EPN2: variants seen among roughly 807,000 people sequenced by gnomAD.
The protein encoded by EPN2 is epsin-2.
Under a neutral mutation model 61.7 loss-of-function variants are expected in EPN2, and 34 were observed. The ratio of observed to expected loss-of-function variants is 0.55; its 90% CI spans 0.42 to 0.73. The LOEUF (loss-of-function observed/expected upper bound fraction) is 0.73, where lower values mean the gene tolerates loss of function less well. Among genes scored for constraint, EPN2 ranks in the 30% least tolerant of loss-of-function variants. The probability of loss-of-function intolerance (pLI) is 0.00; values close to 1 mark genes in which losing one functional copy is unlikely to be tolerated. For missense variants in EPN2, 714 were observed against 839.2 expected, an observed-to-expected ratio of 0.85 and a Z score of 1.84; for synonymous variants, 349 against 353.6, an observed-to-expected ratio of 0.99 and a Z score of 0.15.
At position 19,334,352 on chromosome 17, in the gene EPN2, G is replaced by T. The variant is rs1037449208; in HGVS notation, c.*98G>T. ...GGATCCAAGAGTTTGGGGATTAGGG[G>T]TATTAGGGCTTTTCAGCTCCAGCTT... On this transcript the variant is annotated 3_prime_UTR_variant, in exon 11 of 11. Coordinates refer to ENST00000314728, the MANE Select transcript of EPN2 (RefSeq NM_014964.5). This position sits in a 1 kb window ranked among gnomAD's most constrained non-coding sequence, Gnocchi z 4.9. 3.0e-6 allele frequency: 3 copies of T among 1,016,822 alleles called. No individual in the cohort carries two copies. The highest frequency in any genetic ancestry group is 3.9e-6 in the Non-Finnish European group (3 of 759,990). The allele number at this position is 1,016,822 out of a possible 1,614,324, so 63.0% of individuals were successfully genotyped here.
At position 19,283,453 on chromosome 17, in the gene EPN2, A is replaced by G. The variant is rs768221067; in HGVS notation, c.334A>G (p.Ile112Val). 3.7e-6 allele frequency: 6 copies of G among 1,614,234 alleles called. No homozygotes were observed. The highest frequency in any genetic ancestry group is 1.7e-5 in the Admixed American group (1 of 60,034). The change falls in exon 3 of 11, where the codon ATT (isoleucine) becomes GTT (valine). Residue 112 changes from isoleucine (I) to valine (V), a missense_variant. Ile to Val is a conservative substitution (Grantham distance 29). This residue lies in a region of EPN2 where 304 missense variants were observed against 417.4 expected (regional missense o/e 0.73). Coordinates refer to ENST00000314728, the MANE Select transcript of EPN2 (RefSeq NM_014964.5). The surrounding 1 kb of genome is among the most constrained non-coding windows in gnomAD (Gnocchi z 7.0). The part of the protein sequence containing the change: ...AIQTLKDFQY[I>V]DRDGKDQGIN... ...CCAGACCCTGAAGGACTTCCAGTAC[A>G]TTGACCGAGATGGCAAGGACCAGGG...
rs772078342 is a variant in EPN2 at position 19,286,925 on chromosome 17, C to A, written c.766+1135C>A. On this transcript the variant is annotated intron_variant, in intron 4 of 10. Transcript: ENST00000314728. ...GGAGTTACATGCCCATTTCACCCCCCCAGATAGTCAGAGGCTGCTGTTCTC... is the reference window on the plus strand; with the variant it reads ...GGAGTTACATGCCCATTTCACCCCCACAGATAGTCAGAGGCTGCTGTTCTC... Among the ~76,000 whole-genome samples, 9 of 152,166 alleles carry A rather than the reference C, an allele frequency of 5.9e-5. No homozygotes were observed. In the East Asian group the frequency reaches 1.7e-3, roughly 29 times the overall value.
At chr17:19,292,540 C>T (rs897634017) in intron 4 of EPN2, among the ~76,000 whole-genome samples, 3 of 152,370 alleles carry the variant, frequency 2.0e-5, no homozygotes, top group Admixed American at 6.5e-5. Flanking sequence ...GAGTTAATCT[C>T]TTCAGGTGGA....
At chr17:19,333,191 C>T (rs1266292212) in intron 10 of EPN2, among the ~76,000 whole-genome samples, 1 of 152,032 alleles carries the variant, frequency 6.6e-6, no homozygotes, top group African/African-American at 2.4e-5. Flanking sequence ...CCCAGAGAGC[C>T]CTTGAAGGCC....
At chr17:19,238,257 G>T (rs1392821874) in intron 1 of EPN2, among the ~76,000 whole-genome samples, 2 of 152,254 alleles carry the variant, frequency 1.3e-5, no homozygotes, top group Non-Finnish European at 2.9e-5. Flanking sequence ...GAATGGGTGC[G>T]TGGGGTCTGG....
chr17:19,267,149 CA>C (rs1163683284), intron 1 of EPN2, among the ~76,000 whole-genome samples: 2 of 151,814 alleles, frequency 1.3e-5, no homozygotes, highest in African/African-American at 4.8e-5. Flanking sequence ...TAAATGTTCA[CA>C]TATTATTTCA....
Position 19,283,284 on chromosome 17 carries a change from G to A in EPN2, c.165G>A (p.Glu55=), listed in dbSNP as rs542206456. The A allele has an allele frequency of 6.2e-7, 1 of 1,614,136 alleles. No individual in the cohort carries two copies. Among genetic ancestry groups the A allele is most frequent in the South Asian group, 1.1e-5 (1 of 91,076 alleles). The change falls in exon 3 of 11, where the codon GAG becomes GAA. Residue 55 remains glutamate (E), a synonymous_variant. Transcript: ENST00000314728. The surrounding 1 kb of genome is among the most constrained non-coding windows in gnomAD (Gnocchi z 7.0). The part of the protein sequence containing the change: ...DLTYNVVAFS[E]IMSMVWKRLN... ...CCTACAACGTGGTGGCCTTCTCGGAGATCATGAGCATGGTGTGGAAGCGGC... is the reference window on the plus strand; with the variant it reads ...CCTACAACGTGGTGGCCTTCTCGGAAATCATGAGCATGGTGTGGAAGCGGC...
At chr17:19,277,171 C>A (rs1475345998) in intron 1 of EPN2, among the ~76,000 whole-genome samples, 1 of 151,966 alleles carries the variant, frequency 6.6e-6, no homozygotes, top group African/African-American at 2.4e-5. Flanking sequence ...GAGGCCGAGG[C>A]GGGTGGATCA....
Position 19,289,724 on chromosome 17 carries a change from G to GTTTTTTT in EPN2, c.766+3948_766+3954dup, listed in dbSNP as rs58087532. 1.8e-3 allele frequency among the ~76,000 whole-genome samples: 139 copies of GTTTTTTT among 78,034 alleles called. 7 individuals carry two copies. The highest frequency in any genetic ancestry group is 2.2e-3 in the Non-Finnish European group (94 of 43,466). The allele number at this position is 78,034 out of a possible 152,430, so 51.2% of individuals were successfully genotyped here. On this transcript the variant is annotated intron_variant, in intron 4 of 10. Transcript: ENST00000314728. ...TGTTCGGCCTCACCTGGCGCTCATG[G>GTTTTTTT]TTTTTTTTTTTTTTTTTTTTGAGAT...
At chr17:19,333,910 C>G (rs1907276538) in intron 10 of EPN2, 46 bp from the exon 11 acceptor site, 1 of 1,485,786 alleles carries the variant, frequency 6.7e-7, no homozygotes, top group East Asian at 2.3e-5. Context: ...GCTCAGAAAG[C>G]CACACCCTGA....
At chr17:19,310,029 G>A in intron 5 of EPN2, 32 bp downstream of exon 5, 1 of 1,447,006 alleles carries the variant, frequency 6.9e-7, no homozygotes, top group Non-Finnish European at 9.6e-7. Context: ...GCACTGCATT[G>A]ACTGCCCATG....
chr17:19,310,013 A>G lies in EPN2; in HGVS notation c.879+16A>G, dbSNP rs532861601. 3 of 1,583,446 alleles carry G rather than the reference A, an allele frequency of 1.9e-6. No individual in the cohort carries two copies. Among genetic ancestry groups the G allele is most frequent in the Admixed American group, 1.7e-5 (1 of 59,998 alleles). On this transcript the variant is annotated intron_variant, in intron 5 of 10. Transcript: ENST00000314728. ...GGCTGAGCAGGTCAGTGCCCCAGGC[A>G]GGTCTGCACTGCATTGACTGCCCAT...
intron 7 of EPN2, among the ~76,000 whole-genome samples, chr17:19,325,826 A>G (rs1335484963): frequency 6.1e-5 from 2 of 32,722 alleles, no homozygotes; most frequent in African/African-American, 1.9e-4. Flanking sequence ...TAGAACATGA[A>G]AAAATTTCTA....
chr17:19,286,513 G>T (rs1379591487), intron 4 of EPN2, among the ~76,000 whole-genome samples: 3 of 152,182 alleles, frequency 2.0e-5, no homozygotes, highest in Non-Finnish European at 4.4e-5. Flanking sequence ...ACAAGAAAAT[G>T]CTCTCAGTCT....
chr17:19,296,173 C>G (rs1488725046), intron 4 of EPN2, among the ~76,000 whole-genome samples: 1 of 151,618 alleles, frequency 6.6e-6, no homozygotes, highest in Non-Finnish European at 1.5e-5. Context: ...TAAACTGGGA[C>G]AGAGTCTCAC....
In EPN2 at chr17:19,239,495, G is replaced by A. The variant is rs1260414851; in HGVS notation, c.-294+1964G>A. On this transcript the variant is annotated intron_variant, in intron 1 of 10. Coordinates refer to ENST00000314728, the MANE Select transcript of EPN2 (RefSeq NM_014964.5). ...GTATTTTTACTTTTACATTTTAAAA[G>A]CTTATTTATTTCCCTGGTTTTAAAA... 2.0e-5 allele frequency among the ~76,000 whole-genome samples: 3 copies of A among 152,294 alleles called. No individual in the cohort carries two copies. In the East Asian group the frequency reaches 5.8e-4, roughly 29 times the overall value.
chr17:19,324,535 G>T (rs919606859), intron 7 of EPN2, among the ~76,000 whole-genome samples: 12 of 152,148 alleles, frequency 7.9e-5, no homozygotes, highest in Non-Finnish European at 1.5e-5. Context: ...GTTTCTCAAT[G>T]TTGATCAGGC....
chr17:19,287,179 T>C (rs1332934720), intron 4 of EPN2, among the ~76,000 whole-genome samples: 1 of 152,156 alleles, frequency 6.6e-6, no homozygotes, highest in South Asian at 2.1e-4. Context: ...TCTTTGGCCC[T>C]GCCTCTGCAC....
At chr17:19,260,694 T>A (rs2045131841) in intron 1 of EPN2, among the ~76,000 whole-genome samples, 1 of 152,046 alleles carries the variant, frequency 6.6e-6, no homozygotes, top group South Asian at 2.1e-4. Context: ...TGAAAATATA[T>A]TAAAATATAT....
Sources: gnomAD v4.1 joint callset for allele counts (sites outside exome capture counted in the v4.1 genomes callset) on GRCh38, gnomAD v4.1.1 for gene constraint, gnomAD v4.1.1 regional missense constraint, Gnocchi (gnomAD v3.1) non-coding constraint, MANE v1.5 for transcripts, NCBI Gene and HGNC (gene_info 2026-07-23, HGNC 2026-07-21) for gene names.